Variants in TRPM8 observed in about 807,000 individuals in gnomAD.
TRPM8 encodes transient receptor potential cation channel subfamily M member 8, also known as TRPM8 cationic channel.
TRPM8 carries 110 observed loss-of-function variants against 133.7 expected under a neutral mutation model. The ratio of observed to expected loss-of-function variants is 0.82; its 90% CI spans 0.70 to 0.96. TRPM8 has a LOEUF of 0.96. TRPM8 is among the 40% of genes least tolerant of loss of function. The pLI, the probability that TRPM8 is intolerant of heterozygous loss-of-function variation, is 0.00. For synonymous variants in TRPM8, 535 were observed against 532.3 expected, an observed-to-expected ratio of 1.01 and a Z score of -0.07; for missense variants, 1,291 against 1,379.5, an observed-to-expected ratio of 0.94 and a Z score of 1.02.
intron 22 of TRPM8, among the ~76,000 whole-genome samples, chr2:234,006,221 G>A (rs1692691598): frequency 6.6e-6 from 1 of 152,168 alleles, no homozygotes; most frequent in Non-Finnish European, 1.5e-5. Context: ...CTGAAATATA[G>A]GTGACATGTG....
In TRPM8 at chr2:233,996,375, C is replaced by T; in HGVS notation, c.2989C>T (p.Gln997Ter). The T allele has an allele frequency of 6.2e-7, 1 of 1,614,186 alleles. No homozygotes were observed. Among genetic ancestry groups the T allele is most frequent in the Non-Finnish European group, 8.5e-7 (1 of 1,180,042 alleles). ...QENNDQVWKF[Q>*]RYFLVQEYCS... ...GAACAATGACCAGGTCTGGAAGTTC[C>T]AGAGGTACTTCCTGGTGCAGGAGTA... Residue 997 changes from glutamine (Q) to a stop codon, truncating the protein, a stop_gained, in exon 22 of 26, where the codon CAG becomes TAG. Transcript: ENST00000324695. LOFTEE classifies it high-confidence loss of function.
At chr2:233,973,584 A>G (rs1691789179) in intron 17 of TRPM8, among the ~76,000 whole-genome samples, 1 of 152,210 alleles carries the variant, frequency 6.6e-6, no homozygotes, top group Admixed American at 6.5e-5. Flanking sequence ...TATATCTGCA[A>G]TGCCCCTGTT....
At chr2:233,917,682 G>T (rs952509414) in intron 1 of TRPM8, among the ~76,000 whole-genome samples, 2 of 152,174 alleles carry the variant, frequency 1.3e-5, no homozygotes, top group Non-Finnish European at 2.9e-5. Flanking sequence ...ATTTTTGAAT[G>T]ACTTTAAATA....
intron 1 of TRPM8, among the ~76,000 whole-genome samples, chr2:233,921,523 C>T (rs1328596147): frequency 1.3e-5 from 2 of 152,156 alleles, no homozygotes; most frequent in Non-Finnish European, 2.9e-5. Context: ...GCCATCCAGA[C>T]AGCAGAATGA....
At chr2:233,998,609 CAGTT>C (rs1217129554) in intron 22 of TRPM8, among the ~76,000 whole-genome samples, 1 of 151,694 alleles carries the variant, frequency 6.6e-6, no homozygotes, top group Non-Finnish European at 1.5e-5. Flanking sequence ...TGTGCCCATC[CAGTT>C]AGAGTGAGCC....
intron 14 of TRPM8, 94 bp downstream of exon 14, chr2:233,964,851 C>T (rs1490505776): frequency 8.9e-6 from 12 of 1,347,194 alleles, no homozygotes; most frequent in Middle Eastern, 2.1e-4. Context: ...GGTGGAGGTC[C>T]GTGGCATGTC....
intron 11 of TRPM8, among the ~76,000 whole-genome samples, chr2:233,955,931 T>C (rs1001466221): frequency 6.6e-6 from 1 of 152,188 alleles, no homozygotes; most frequent in Non-Finnish European, 1.5e-5. Context: ...AACCCTGTTG[T>C]GGACTGTGCA....
intron 3 of TRPM8, among the ~76,000 whole-genome samples, chr2:233,931,743 G>GAGATC (rs765821424): frequency 5.9e-5 from 9 of 152,144 alleles, no homozygotes; most frequent in Non-Finnish European, 1.3e-4. Context: ...GAAAAACTAA[G>GAGATC]AGATCTCTGC....
intron 20 of TRPM8, among the ~76,000 whole-genome samples, chr2:233,984,090 G>A (rs138417225): frequency 3.9e-5 from 6 of 152,256 alleles, no homozygotes; most frequent in East Asian, 1.9e-4. Context: ...CTCCACGTCC[G>A]TCATTTTAGC....
chr2:234,003,775 T>C (rs768825643), intron 22 of TRPM8, among the ~76,000 whole-genome samples: 1 of 152,188 alleles, frequency 6.6e-6, no homozygotes, highest in Admixed American at 6.5e-5. Flanking sequence ...AATTGTTCTG[T>C]GGAGGTAGTG....
chr2:234,014,466 C>T, intron 24 of TRPM8, 96 bp from the exon 25 acceptor site: 2 of 647,730 alleles, frequency 3.1e-6, no homozygotes, highest in Non-Finnish European at 2.5e-6. Context: ...ATTTAGTAGA[C>T]ATGTCTGTTT....
intron 21 of TRPM8, among the ~76,000 whole-genome samples, chr2:233,996,098 A>AC (rs1034031369): frequency 3.3e-5 from 5 of 151,772 alleles, no homozygotes; most frequent in Non-Finnish European, 5.9e-5. Context: ...GTGATTAAAA[A>AC]AAAAAAAAAA....
chr2:233,991,197 G>T (rs1692267984), intron 21 of TRPM8, among the ~76,000 whole-genome samples: 1 of 152,174 alleles, frequency 6.6e-6, no homozygotes, highest in African/African-American at 2.4e-5. Flanking sequence ...GTATATTAAA[G>T]AATTTGGACT....
chr2:233,980,896 C>A (rs939351821), intron 18 of TRPM8, among the ~76,000 whole-genome samples: 1 of 152,132 alleles, frequency 6.6e-6, no homozygotes, highest in African/African-American at 2.4e-5. Flanking sequence ...ACTGGCCTGT[C>A]GTCCCCAAAT....
Position 233,942,625 on chromosome 2 carries a change from CG to C in TRPM8, c.580del (p.Glu194ArgfsTer3). On this transcript the variant is annotated frameshift_variant, in exon 6 of 26. Coordinates refer to ENST00000324695, the MANE Select transcript of TRPM8 (RefSeq NM_024080.5). LOFTEE classifies it high-confidence loss of function. ...GTHYGLMKYI[G>X]EVVRDNTISR... ...CCCATTATGGCCTGATGAAGTACATCGGGGAGGTGGTGAGAGATAACACCAT... is the reference window on the plus strand; with the variant it reads ...CCCATTATGGCCTGATGAAGTACATCGGGAGGTGGTGAGAGATAACACCAT... 6.2e-7 allele frequency: 1 copy of C among 1,614,184 alleles called. No homozygotes were observed. The highest frequency in any genetic ancestry group is 8.5e-7 in the Non-Finnish European group (1 of 1,180,036).
At chr2:233,968,632 A>G (rs1032244817) in intron 15 of TRPM8, among the ~76,000 whole-genome samples, 5 of 152,016 alleles carry the variant, frequency 3.3e-5, no homozygotes, top group African/African-American at 1.2e-4. Context: ...AGAGGGGTGC[A>G]TGTCAGTCCC....
intron 21 of TRPM8, among the ~76,000 whole-genome samples, chr2:233,990,710 C>T (rs1692254744): frequency 6.6e-6 from 1 of 152,150 alleles, no homozygotes; most frequent in South Asian, 2.1e-4. Context: ...ACCACGAGCT[C>T]AGGATGCGGT....
At chr2:233,926,105 G>A (rs1231371172) in intron 1 of TRPM8, among the ~76,000 whole-genome samples, 1 of 152,156 alleles carries the variant, frequency 6.6e-6, no homozygotes, top group African/African-American at 2.4e-5. Context: ...GCCAATGCAG[G>A]CTGCTAGCCA....
At chr2:233,923,013 A>G (rs989688500) in intron 1 of TRPM8, among the ~76,000 whole-genome samples, 13 of 152,006 alleles carry the variant, frequency 8.6e-5, no homozygotes, top group African/African-American at 2.7e-4. Context: ...GACTACAGGC[A>G]CCCGCCACCA....
Sources: allele counts gnomAD v4.1 joint callset (sites outside exome capture counted in the v4.1 genomes callset), GRCh38; gene constraint gnomAD v4.1.1; transcripts MANE v1.5; gene names NCBI Gene and HGNC (gene_info 2026-07-23, HGNC 2026-07-21).